The following MRPS6 variants were observed in gnomAD, a reference collection of about 807,000 sequenced individuals.
The protein encoded by MRPS6 is mitochondrial ribosomal protein S6.
Under a neutral mutation model 13.1 loss-of-function variants are expected in MRPS6, and 6 were observed. That is an observed-to-expected ratio of 0.46 (90% CI 0.25 to 0.91). The LOEUF (loss-of-function observed/expected upper bound fraction) is 0.91, where lower values mean the gene tolerates loss of function less well. Ranked by LOEUF, MRPS6 falls within the 40% of genes least tolerant of loss-of-function variation. MRPS6 has a pLI of 0.18. For missense variants in MRPS6, 164 were observed against 155.6 expected (o/e 1.05, Z -0.29); for synonymous variants, 61 against 56.5 (o/e 1.08, Z -0.36).
intron 1 of MRPS6, chr21:34,101,943 A>G: frequency 1.0e-6 from 1 of 1,000,150 alleles, no homozygotes. Context: ...CAGAGAAACA[A>G]TGGAGTTTTG....
rs1979331219 is a variant in MRPS6 at position 34,103,327 on chromosome 21, A to AAAAAAAAG, written c.46-22010_46-22009insAAAGAAAA. 3 of 999,100 alleles carry AAAAAAAAG rather than the reference A, an allele frequency of 3.0e-6. No individual in the cohort carries two copies. In the South Asian group the frequency reaches 1.4e-4, roughly 47 times the overall value. The allele number at this position is 999,100 out of a possible 1,614,324, so 61.9% of individuals were successfully genotyped here. A position where few individuals can be genotyped will look rare whatever the true frequency, so the allele number is the denominator to read the frequency against. On this transcript the variant is annotated intron_variant, in intron 1 of 2. Coordinates refer to ENST00000399312, the MANE Select transcript of MRPS6 (RefSeq NM_032476.4). ...CTAGTGAAGGAAGTAAAAAAAAAAA[A>AAAAAAAAG]AAAACATGCATTACATTGACATACT...
intron 1 of MRPS6, among the ~76,000 whole-genome samples, chr21:34,094,076 C>G (rs2834378): frequency 0.28 from 42,800 of 152,114 alleles, 7,115 homozygotes; most frequent in Non-Finnish European, 0.38. Flanking sequence ...GAAATACTGC[C>G]TGATGAAAAG....
intron 1 of MRPS6, chr21:34,105,160 A>G (rs1477885820): frequency 2.0e-6 from 2 of 1,000,086 alleles, no homozygotes; most frequent in Non-Finnish European, 2.4e-6. Flanking sequence ...GCTTTCCCCC[A>G]CTGTTACTGC....
chr21:34,102,609 G>A (rs1285477073), intron 1 of MRPS6: 5 of 1,000,022 alleles, frequency 5.0e-6, no homozygotes, highest in African/African-American at 3.5e-5. Context: ...ACCAATAACT[G>A]TACTTTATGT....
At chr21:34,134,164 G>A (rs1419861186) in intron 2 of MRPS6, among the ~76,000 whole-genome samples, 2 of 152,202 alleles carry the variant, frequency 1.3e-5, no homozygotes, top group Non-Finnish European at 2.9e-5. Flanking sequence ...GAATAAATGA[G>A]TAATTCATAA....
intron 1 of MRPS6, among the ~76,000 whole-genome samples, chr21:34,074,124 C>G (rs1308667070): frequency 6.7e-6 from 1 of 148,576 alleles, no homozygotes; most frequent in South Asian, 2.1e-4. Context: ...GACTCCGGCC[C>G]GTCCCCGCCA....
chr21:34,116,975 C>T (rs566417610), intron 1 of MRPS6, among the ~76,000 whole-genome samples: 4 of 152,260 alleles, frequency 2.6e-5, no homozygotes, highest in Admixed American at 1.3e-4. Flanking sequence ...CAGAACCTTC[C>T]GACCTTTCAG....
intron 1 of MRPS6, among the ~76,000 whole-genome samples, chr21:34,120,916 T>C (rs1432360218): frequency 1.3e-5 from 2 of 152,156 alleles, no homozygotes; most frequent in African/African-American, 4.8e-5. Flanking sequence ...CTTCAAGTTA[T>C]GTTAGAGATA....
chr21:34,100,786 A>G (rs1352123306), intron 1 of MRPS6: 2 of 1,000,120 alleles, frequency 2.0e-6, no homozygotes, highest in Non-Finnish European at 2.4e-6. Context: ...TAGTAGGCAT[A>G]TGGATCTTCC....
At chr21:34,095,895 C>T in intron 1 of MRPS6, 1 of 1,614,132 alleles carries the variant, frequency 6.2e-7, no homozygotes, top group Non-Finnish European at 8.5e-7. Flanking sequence ...GACATACAAC[C>T]TTTCCAACAC....
intron 2 of MRPS6, among the ~76,000 whole-genome samples, chr21:34,131,035 C>G (rs147744715): frequency 2.6e-5 from 4 of 152,110 alleles, no homozygotes; most frequent in Non-Finnish European, 4.4e-5. Flanking sequence ...AGCACATGGT[C>G]GAAGGTGCTG....
intron 1 of MRPS6, among the ~76,000 whole-genome samples, chr21:34,081,568 A>T (rs1268949365): frequency 3.3e-5 from 5 of 152,186 alleles, no homozygotes; most frequent in Non-Finnish European, 5.9e-5. Context: ...GGGAGACTAG[A>T]AGGAGCTTTA....
chr21:34,084,089 A>G (rs1222938286), intron 1 of MRPS6, among the ~76,000 whole-genome samples: 1 of 152,048 alleles, frequency 6.6e-6, no homozygotes, highest in Non-Finnish European at 1.5e-5. Flanking sequence ...GTCCCTCCAA[A>G]TACTGTTAAA....
chr21:34,126,014 G>A (rs1326563535), intron 2 of MRPS6, among the ~76,000 whole-genome samples: 1 of 152,212 alleles, frequency 6.6e-6, no homozygotes, highest in African/African-American at 2.4e-5. Context: ...TGATTCTGTA[G>A]TAATAACTAT....
At chr21:34,126,772 TC>T (rs1228507412) in intron 2 of MRPS6, among the ~76,000 whole-genome samples, 2 of 152,204 alleles carry the variant, frequency 1.3e-5, no homozygotes, top group African/African-American at 2.4e-5. Context: ...ATGTAGTACT[TC>T]CAGGGGTTTC....
At chr21:34,103,355 A>G (rs1602939026) in intron 1 of MRPS6, 1 of 987,934 alleles carries the variant, frequency 1.0e-6, no homozygotes, top group African/African-American at 1.8e-5. Flanking sequence ...GACATACTTT[A>G]TGTGCAGCCT....
chr21:34,074,959 A>G (rs1989291097), intron 1 of MRPS6, among the ~76,000 whole-genome samples: 1 of 152,238 alleles, frequency 6.6e-6, no homozygotes, highest in African/African-American at 2.4e-5. Context: ...CTGGCCAGGC[A>G]TGCCATTGTG....
intron 1 of MRPS6, among the ~76,000 whole-genome samples, chr21:34,092,470 T>C (rs1281532170): frequency 6.6e-6 from 1 of 152,180 alleles, no homozygotes; most frequent in African/African-American, 2.4e-5. Flanking sequence ...GAATTCAGCC[T>C]TGAGCTAGTG....
chr21:34,074,271 C>T (rs915288401), intron 1 of MRPS6, among the ~76,000 whole-genome samples: 2 of 152,030 alleles, frequency 1.3e-5, no homozygotes, highest in African/African-American at 2.4e-5. Flanking sequence ...TAAAGCGTTC[C>T]TCCAAAGCTT....
Sources: gnomAD v4.1 joint callset for allele counts (sites outside exome capture counted in the v4.1 genomes callset) on GRCh38, gnomAD v4.1.1 for gene constraint, MANE v1.5 for transcripts, NCBI Gene and HGNC (gene_info 2026-07-23, HGNC 2026-07-21) for gene names.